The following GALNTL6 variants were observed in gnomAD, a reference collection of about 807,000 sequenced individuals.
The protein encoded by GALNTL6 is polypeptide N-acetylgalactosaminyltransferase like 6.
A neutral mutation model predicts 73.7 loss-of-function variants in GALNTL6; 46 were observed. The observed-to-expected ratio is 0.62, with a 90% CI of 0.49 to 0.80. GALNTL6 has a LOEUF of 0.80. Among genes scored for constraint, GALNTL6 ranks in the 30% least tolerant of loss-of-function variants. The pLI is 0.00. For synonymous variants in GALNTL6, 259 were observed against 263.7 expected (o/e 0.98, Z 0.17); for missense variants, 604 against 755.0 (o/e 0.80, Z 2.34).
chr4:172,016,629 G>A (rs918567401), intron 2 of GALNTL6, among the ~76,000 whole-genome samples: 3 of 151,844 alleles, frequency 2.0e-5, no homozygotes, highest in African/African-American at 4.8e-5. Flanking sequence ...TGATATTTTG[G>A]GGGTTGTTAT....
chr4:172,353,520 T>C (rs2111225057), intron 5 of GALNTL6, among the ~76,000 whole-genome samples: 2 of 152,260 alleles, frequency 1.3e-5, no homozygotes, highest in South Asian at 4.1e-4. Context: ...TTTCCAAAAA[T>C]TGTAGACATT....
intron 5 of GALNTL6, among the ~76,000 whole-genome samples, chr4:172,436,533 A>G (rs1731641219): frequency 6.6e-6 from 1 of 152,122 alleles, no homozygotes; most frequent in African/African-American, 2.4e-5. Flanking sequence ...GTAAGTTTTC[A>G]CTTAAACAAG....
chr4:172,278,419 A>G (rs750824706), intron 3 of GALNTL6, among the ~76,000 whole-genome samples: 13 of 152,072 alleles, frequency 8.5e-5, no homozygotes, highest in South Asian at 2.1e-4. Flanking sequence ...CTGATAATCT[A>G]TTTGTTCCTG....
rs188865864 is a variant in GALNTL6, at chr4:171,942,403, T to C, written c.138+127685T>C. Among the ~76,000 whole-genome samples, 526 of 152,202 alleles carry C rather than the reference T, an allele frequency of 3.5e-3. 3 individuals are homozygous for C. Among genetic ancestry groups the C allele is most frequent in the Admixed American group, 5.0e-3 (76 of 15,274 alleles). On this transcript the variant is annotated intron_variant, in intron 2 of 12. Transcript: ENST00000506823. ...GCCATGATGTTTTGTATTTTCTTAT[T>C]TTGATTTTACTTTCATCTTAAACAA...
intron 5 of GALNTL6, among the ~76,000 whole-genome samples, chr4:172,803,389 T>C (rs549176496): frequency 2.0e-5 from 3 of 152,308 alleles, no homozygotes; most frequent in Non-Finnish European, 2.9e-5. Context: ...TTGCGCTCCT[T>C]ATGAGAATCT....
intron 5 of GALNTL6, among the ~76,000 whole-genome samples, chr4:172,676,300 CT>C (rs1174665255): frequency 2.6e-5 from 4 of 152,170 alleles, no homozygotes; most frequent in African/African-American, 7.2e-5. Context: ...AATTGGAAGA[CT>C]TTTCTTTAAG....
intron 5 of GALNTL6, among the ~76,000 whole-genome samples, chr4:172,585,492 T>C (rs1737374154): frequency 6.6e-6 from 1 of 152,144 alleles, no homozygotes; most frequent in South Asian, 2.1e-4. Context: ...CTCTTATGAG[T>C]GAGAACATGT....
chr4:172,267,240 A>G (rs1283180485), intron 3 of GALNTL6, among the ~76,000 whole-genome samples: 1 of 152,132 alleles, frequency 6.6e-6, no homozygotes, highest in Non-Finnish European at 1.5e-5. Flanking sequence ...ATACATTTCT[A>G]AGGGAATGTA....
intron 2 of GALNTL6, among the ~76,000 whole-genome samples, chr4:172,069,432 TATAACA>T (rs1560909247): frequency 3.3e-5 from 3 of 90,828 alleles, no homozygotes; most frequent in Admixed American, 1.2e-4. Context: ...ATAACACACA[TATAACA>T]TATATATGTA....
intron 3 of GALNTL6, among the ~76,000 whole-genome samples, chr4:172,291,150 T>G (rs1319400466): frequency 6.6e-6 from 1 of 152,128 alleles, no homozygotes; most frequent in Non-Finnish European, 1.5e-5. Flanking sequence ...TTGCTTCTAA[T>G]ATAATACATA....
chr4:172,642,751 G>T (rs1389755989), intron 5 of GALNTL6, among the ~76,000 whole-genome samples: 1 of 151,838 alleles, frequency 6.6e-6, no homozygotes, highest in Non-Finnish European at 1.5e-5. Flanking sequence ...GTGAGGTAAT[G>T]CATATGTTAA....
chr4:172,288,076 T>A (rs1029792585), intron 3 of GALNTL6, among the ~76,000 whole-genome samples: 1 of 150,676 alleles, frequency 6.6e-6, no homozygotes, highest in African/African-American at 2.5e-5. Flanking sequence ...CCTGTAATAA[T>A]GTGGCTTGAT....
At chr4:172,339,257 C>CCACACACACACACACCACACACACA (rs1741463517) in intron 4 of GALNTL6, among the ~76,000 whole-genome samples, 1 of 120,952 alleles carries the variant, frequency 8.3e-6, no homozygotes, top group Non-Finnish European at 1.7e-5. Flanking sequence ...CACACACACA[C>CCACACACACACACACCACACACACA]CACACACACA....
chr4:172,891,181 T>C (rs1053679909), intron 8 of GALNTL6, among the ~76,000 whole-genome samples: 7 of 151,824 alleles, frequency 4.6e-5, no homozygotes, highest in South Asian at 2.1e-4. Context: ...TTTAGACCAA[T>C]ATGCGAGGTT....
At chr4:172,138,643 C>T (rs1733720356) in intron 2 of GALNTL6, among the ~76,000 whole-genome samples, 1 of 144,634 alleles carries the variant, frequency 6.9e-6, no homozygotes. Flanking sequence ...CATTCTCCTG[C>T]CTCAGCCTCC....
rs1745499224 is a variant in GALNTL6, at chr4:172,882,342, A to G, written c.924-448A>G. On this transcript the variant is annotated intron_variant, in intron 7 of 12. Transcript: ENST00000506823. ...CCTGTTCATAGTAGATGCTTAGTGA[A>G]TGCGTACTGAGAGATTACTCAAAGA... Among the ~76,000 whole-genome samples the G allele has an allele frequency of 2.0e-5, 3 of 152,206 alleles. No individual in the cohort carries two copies. The South Asian group carries it at 6.2e-4, about 32-fold the overall frequency.
chr4:172,098,442 A>G (rs1399571240), intron 2 of GALNTL6, among the ~76,000 whole-genome samples: 1 of 152,132 alleles, frequency 6.6e-6, no homozygotes, highest in Non-Finnish European at 1.5e-5. Flanking sequence ...AGGATAATTC[A>G]GGAACACAGT....
At chr4:171,820,425 A>G (rs1734649251) in intron 2 of GALNTL6, among the ~76,000 whole-genome samples, 1 of 152,248 alleles carries the variant, frequency 6.6e-6, no homozygotes, top group African/African-American at 2.4e-5. Flanking sequence ...TATTCATTTT[A>G]TTAATTCATT....
At chr4:172,043,413 A>G (rs986252231) in intron 2 of GALNTL6, among the ~76,000 whole-genome samples, 24 of 152,026 alleles carry the variant, frequency 1.6e-4, no homozygotes, top group Admixed American at 4.6e-4. Flanking sequence ...ACAAGCTTCA[A>G]TATTGGAAGA....
Sources: gnomAD v4.1 joint callset for allele counts (sites outside exome capture counted in the v4.1 genomes callset) on GRCh38, gnomAD v4.1.1 for gene constraint, MANE v1.5 for transcripts, NCBI Gene and HGNC (gene_info 2026-07-23, HGNC 2026-07-21) for gene names.